The following QPRT variants were observed in gnomAD, a reference collection of about 807,000 sequenced individuals.
QPRT encodes the protein quinolinate phosphoribosyltransferase.
QPRT carries 17 observed loss-of-function variants against 19.8 expected under a neutral mutation model. The ratio of observed to expected loss-of-function variants is 0.86; its 90% confidence interval spans 0.59 to 1.29. QPRT has a LOEUF of 1.29. Among genes scored for constraint, QPRT ranks in the 50% most tolerant of loss-of-function variants. The pLI is 0.00. For missense variants in QPRT, 336 were observed against 405.1 expected (o/e 0.83, Z 1.46); for synonymous variants, 178 against 191.0 (o/e 0.93, Z 0.56).
chr16:29,685,410 G>T (rs1234279259), intron 1 of QPRT, among the ~76,000 whole-genome samples: 1 of 152,134 alleles, frequency 6.6e-6, no homozygotes, highest in Non-Finnish European at 1.5e-5. Flanking sequence ...GGCAGAGGTT[G>T]CAGTGAGTTG....
chr16:29,688,048 A>G (rs1047066496), intron 1 of QPRT, among the ~76,000 whole-genome samples: 23 of 152,220 alleles, frequency 1.5e-4, no homozygotes, highest in African/African-American at 5.5e-4. Context: ...AAAGAAAACC[A>G]GAACTAGACA....
At chr16:29,696,686 TG>T in intron 2 of QPRT, 1 of 242,972 alleles carries the variant, frequency 4.1e-6, no homozygotes, top group South Asian at 8.1e-5. Flanking sequence ...GAGACTGAGG[TG>T]GGAGAATCAC....
chr16:29,690,844 C>T, intron 1 of QPRT, among the ~76,000 whole-genome samples: 1 of 152,058 alleles, frequency 6.6e-6, no homozygotes, highest in Non-Finnish European at 1.5e-5. Flanking sequence ...CACATGCCAC[C>T]ACGCCCGGCT....
At chr16:29,686,583 G>A (rs1353198722) in intron 1 of QPRT, among the ~76,000 whole-genome samples, 1 of 152,184 alleles carries the variant, frequency 6.6e-6, no homozygotes, top group African/African-American at 2.4e-5. Context: ...TGCAACCTCC[G>A]CCTCCCAAGT....
At chr16:29,691,282 T>C (rs1301527304) in intron 1 of QPRT, among the ~76,000 whole-genome samples, 2 of 138,312 alleles carry the variant, frequency 1.4e-5, no homozygotes, top group Non-Finnish European at 3.0e-5. Flanking sequence ...GAAGAATCCC[T>C]GGAACCCGCG....
intron 1 of QPRT, among the ~76,000 whole-genome samples, chr16:29,681,783 C>T: frequency 6.7e-6 from 1 of 150,010 alleles, no homozygotes; most frequent in Non-Finnish European, 1.5e-5. Flanking sequence ...AGTGCAGTGG[C>T]AGGATCTCGG....
At chr16:29,679,106 C>T, upstream of QPRT, 1 of 1,610,932 alleles carries the variant, frequency 6.2e-7, no homozygotes, top group Non-Finnish European at 8.5e-7. Flanking sequence ...GATGGGCCCT[C>T]CCTCCCTCCA....
At chr16:29,679,533 G>T (rs998052183) in intron 1 of QPRT, among the ~76,000 whole-genome samples, 1 of 152,090 alleles carries the variant, frequency 6.6e-6, no homozygotes, top group African/African-American at 2.4e-5. Flanking sequence ...AGGCTGGTTG[G>T]GGGAGCAGCA....
chr16:29,695,649 C>T (rs1596799078), intron 2 of QPRT: 1 of 155,254 alleles, frequency 6.4e-6, no homozygotes, highest in African/African-American at 2.4e-5. Context: ...GCCACCATGC[C>T]CGGCTAATTT....
rs746720296 is a variant in QPRT, at chr16:29,698,497, T to C, written c.*1086T>C. On this transcript the variant is annotated 3_prime_UTR_variant, in exon 4 of 4. Transcript: ENST00000395384. ...ATTCCAGACATTGTATGAAAAAGCA[T>C]TGCAAAACTTTCTGCTCTGTTAGCT... is the stretch of plus-strand genomic sequence containing the variant. 3 of 152,762 alleles carry C rather than the reference T, an allele frequency of 2.0e-5. No homozygotes were observed. Among genetic ancestry groups the C allele is most frequent in the Non-Finnish European group, 4.4e-5 (3 of 68,050 alleles). 9.5% of individuals were successfully genotyped at this position (152,762 alleles called of 1,614,324 possible).
At chr16:29,681,403 G>T (rs558958795) in intron 1 of QPRT, among the ~76,000 whole-genome samples, 1 of 150,896 alleles carries the variant, frequency 6.6e-6, no homozygotes, top group South Asian at 2.1e-4. Flanking sequence ...ATGAACCCCA[G>T]AATTTGCAGG....
At chr16:29,686,157 G>T (rs1967155168) in intron 1 of QPRT, among the ~76,000 whole-genome samples, 1 of 152,100 alleles carries the variant, frequency 6.6e-6, no homozygotes, top group Non-Finnish European at 1.5e-5. Context: ...ACTGTGTCCG[G>T]CCAATAAAAT....
Position 29,696,963 on chromosome 16 carries a change from G to A in QPRT, c.550-33G>A, listed in dbSNP as rs1373655294. ...GCCCCAGTGCCAGGTGCTGGGCCCA[G>A]TCCTCACCCTTGTCCTCCCGGCTGC... On this transcript the variant is annotated intron_variant, in intron 2 of 3. Coordinates refer to ENST00000395384, the MANE Select transcript of QPRT (RefSeq NM_014298.6). 1.9e-6 allele frequency: 3 copies of A among 1,570,322 alleles called. No homozygotes were observed. In the East Asian group the frequency reaches 6.7e-5, roughly 35 times the overall value.
chr16:29,680,034 T>C (rs1429303467), intron 1 of QPRT, among the ~76,000 whole-genome samples: 1 of 150,322 alleles, frequency 6.7e-6, no homozygotes, highest in Non-Finnish European at 1.5e-5. Flanking sequence ...CTCGGCTCAC[T>C]GCAAGCTCCG....
chr16:29,679,318 TCTC>T, intron 1 of QPRT, 108 bp downstream of exon 1: 1 of 766,270 alleles, frequency 1.3e-6, no homozygotes, highest in Non-Finnish European at 2.2e-6. Flanking sequence ...TGGAGTCATC[TCTC>T]CTCTGGTCCC....
At chr16:29,688,832 G>A (rs1205695916) in intron 1 of QPRT, among the ~76,000 whole-genome samples, 1 of 150,050 alleles carries the variant, frequency 6.7e-6, no homozygotes, top group Non-Finnish European at 1.5e-5. Context: ...CCAGGCTGGA[G>A]TGCAATGGCG....
intron 2 of QPRT, 89 bp from the exon 3 acceptor site, chr16:29,696,907 T>A: frequency 6.9e-7 from 1 of 1,448,710 alleles, no homozygotes; most frequent in Non-Finnish European, 9.1e-7. Flanking sequence ...TGCTGGGCCC[T>A]ATCGTCACCC....
In QPRT at chr16:29,687,311, T is replaced by C. The variant is rs183214999; in HGVS notation, c.14-7353T>C. 1.2e-4 allele frequency among the ~76,000 whole-genome samples: 19 copies of C among 152,338 alleles called. No individual in the cohort carries two copies. The East Asian group carries it at 2.7e-3, about 22-fold the overall frequency. On this transcript the variant is annotated intron_variant, in intron 1 of 3. Transcript: ENST00000395384. ...ATACTGAACCATATAAATGTGCTGC[T>C]TTTATTGGTCAAAACGGCCAAATAT...
intron 1 of QPRT, among the ~76,000 whole-genome samples, chr16:29,683,776 A>AT (rs1453917049): frequency 6.6e-6 from 1 of 152,088 alleles, no homozygotes; most frequent in Non-Finnish European, 1.5e-5. Flanking sequence ...CTGGGTTGGA[A>AT]TGGGCCTGAG....
Sources: allele counts gnomAD v4.1 joint callset (sites outside exome capture counted in the v4.1 genomes callset), GRCh38; gene constraint gnomAD v4.1.1; transcripts MANE v1.5; gene names NCBI Gene and HGNC (gene_info 2026-07-23, HGNC 2026-07-21).